The following NR2E3 variants were observed in gnomAD, a reference collection of about 807,000 sequenced individuals.
NR2E3 encodes photoreceptor-specific nuclear receptor.
Under a neutral mutation model 37.6 loss-of-function variants are expected in NR2E3, and 38 were observed. The ratio of observed to expected loss-of-function variants is 1.01; its 90% confidence interval spans 0.78 to 1.33. The LOEUF is 1.33. Ranked by LOEUF, NR2E3 falls within the 40% of genes most tolerant of loss-of-function variation. The probability of loss-of-function intolerance (pLI) is 0.00; values close to 1 mark genes in which losing one functional copy is unlikely to be tolerated. For missense variants in NR2E3, 562 were observed against 558.7 expected (o/e 1.01, Z -0.06); for synonymous variants, 235 against 225.1 (o/e 1.04, Z -0.39).
Position 71,813,208 on chromosome 15 carries a change from G to A in NR2E3, c.748-181G>A, listed in dbSNP as rs930240514. Among the ~76,000 whole-genome samples, 2 of 152,202 alleles carry A rather than the reference G, an allele frequency of 1.3e-5. No homozygotes were observed. The highest frequency in any genetic ancestry group is 2.9e-5 in the Non-Finnish European group (2 of 68,046). On this transcript the variant is annotated intron_variant, in intron 5 of 7. Coordinates refer to ENST00000617575, the MANE Select transcript of NR2E3 (RefSeq NM_014249.4). This position sits in a 1 kb window ranked among gnomAD's most constrained non-coding sequence, Gnocchi z 4.7. ...TGGAACCCAGTGTCTCAGATGATAG[G>A]CAGCTGAGCCGGATGGTGCCAAATC...
At chr15:71,817,416 G>A in intron 7 of NR2E3, 136 bp from the exon 8 acceptor site, 1 of 1,241,052 alleles carries the variant, frequency 8.1e-7, no homozygotes, top group Non-Finnish European at 1.1e-6. Context: ...GCTTTTCCTC[G>A]AAATTCCTCC....
intron 7 of NR2E3, chr15:71,817,336 G>C: frequency 5.3e-6 from 2 of 379,520 alleles, no homozygotes; most frequent in East Asian, 8.1e-5. Flanking sequence ...CTGACCTTGT[G>C]ATCCGCCCGC....
intron 7 of NR2E3, chr15:71,814,500 A>C: frequency 9.8e-7 from 1 of 1,016,124 alleles, no homozygotes; most frequent in Non-Finnish European, 1.2e-6. Context: ...AAAAGAAAAC[A>C]TCATTTGCAA....
At chr15:71,815,495 CTGCCAAG>C (rs2054219675) in intron 7 of NR2E3, among the ~76,000 whole-genome samples, 1 of 152,202 alleles carries the variant, frequency 6.6e-6, no homozygotes, top group Non-Finnish European at 1.5e-5. Context: ...CAGCCTTTCT[CTGCCAAG>C]TTTCTGTTGG....
In NR2E3 at chr15:71,813,141, A is replaced by G. The variant is rs191177153; in HGVS notation, c.748-248A>G. On this transcript the variant is annotated intron_variant, in intron 5 of 7. Coordinates refer to ENST00000617575, the MANE Select transcript of NR2E3 (RefSeq NM_014249.4). The surrounding 1 kb of genome is among the most constrained non-coding windows in gnomAD (Gnocchi z 4.7). Reference sequence around the variant, plus strand: ...TGTCTCTGAGGCTGCCCAACTTCCAATGGCTCTGGGCGTTCCTAAATGTCC... The same window carrying G: ...TGTCTCTGAGGCTGCCCAACTTCCAGTGGCTCTGGGCGTTCCTAAATGTCC... 5.3e-5 allele frequency among the ~76,000 whole-genome samples: 8 copies of G among 152,290 alleles called. No individual in the cohort carries two copies. Among genetic ancestry groups the G allele is most frequent in the East Asian group, 1.9e-4 (1 of 5,178 alleles).
chr15:71,813,416 G>T lies in NR2E3; in HGVS notation c.775G>T (p.Glu259Ter). 6.2e-7 allele frequency: 1 copy of T among 1,611,564 alleles called. No homozygotes were observed. The highest frequency in any genetic ancestry group is 1.1e-5 in the South Asian group (1 of 90,310). ...QVILLEEAWS[E>*]LFLLGAIQWS... ...GATCCTGCTGGAAGAGGCGTGGAGT[G>T]AACTCTTTCTCCTCGGGGCCATCCA... The change falls in exon 6 of 8, where the codon GAA becomes TAA. Residue 259 changes from glutamate (E) to a stop codon, truncating the protein, a stop_gained. Transcript: ENST00000617575. LOFTEE classifies it high-confidence loss of function. This position sits in a 1 kb window ranked among gnomAD's most constrained non-coding sequence, Gnocchi z 4.7.
At position 71,811,466 on chromosome 15, in the gene NR2E3, T is replaced by TG; in HGVS notation, c.119-16dup. On this transcript the variant is annotated splice_polypyrimidine_tract_variant and intron_variant, in intron 1 of 7. Transcript: ENST00000617575. This position sits in a 1 kb window ranked among gnomAD's most constrained non-coding sequence, Gnocchi z 5.6. ...GCCCAGCCCTGCCCTGGCCCAGCCC[T>TG]GCCCCCTGCCCCTCAGGCGTGAGCC... 3.2e-6 allele frequency: 5 copies of TG among 1,545,850 alleles called. No homozygotes were observed. In the South Asian group the frequency reaches 6.0e-5, roughly 18 times the overall value.
rs921267751 is a variant in NR2E3 at position 71,813,920 on chromosome 15, G to A, written c.995-92G>A. 29 of 1,546,786 alleles carry A rather than the reference G, an allele frequency of 1.9e-5. 2 individuals carry two copies. In the South Asian group the frequency reaches 3.0e-4, roughly 16 times the overall value. On this transcript the variant is annotated intron_variant, in intron 6 of 7. Coordinates refer to ENST00000617575, the MANE Select transcript of NR2E3 (RefSeq NM_014249.4). The surrounding 1 kb of genome is among the most constrained non-coding windows in gnomAD (Gnocchi z 4.7). ...CCACCCCACAGGGCCCCAGGTCCATGTCTGCAGCCAGAACCCTGGGCCACC... is the reference window on the plus strand; with the variant it reads ...CCACCCCACAGGGCCCCAGGTCCATATCTGCAGCCAGAACCCTGGGCCACC...
At position 71,812,441 on chromosome 15, in the gene NR2E3, G is replaced by A. The variant is rs544290323; in HGVS notation, c.677G>A (p.Arg226His). 52 of 1,613,852 alleles carry A rather than the reference G, an allele frequency of 3.2e-5. 2 individuals carry two copies. The highest frequency in any genetic ancestry group is 1.8e-4 in the South Asian group (16 of 91,066). ...GACAGCATCCATGAGACCTCGGCTC[G>A]CCTACTCTTCATGGCCGTCAAGTGG... ...GLDSIHETSARLLFMAVKWAK... is the reference protein window; with the variant it reads ...GLDSIHETSAHLLFMAVKWAK... Residue 226 changes from arginine to histidine, a missense_variant, in exon 5 of 8, where the codon CGC becomes CAC. Transcript: ENST00000617575.
At chr15:71,816,918 C>A (rs2054230727) in intron 7 of NR2E3, among the ~76,000 whole-genome samples, 1 of 152,054 alleles carries the variant, frequency 6.6e-6, no homozygotes, top group African/African-American at 2.4e-5. Flanking sequence ...CACTTTCACA[C>A]CATGATAAAG....
At chr15:71,812,653 C>G (rs976706836) in intron 5 of NR2E3, 142 bp downstream of exon 5, 8 of 744,154 alleles carry the variant, frequency 1.1e-5, no homozygotes, top group African/African-American at 3.5e-5. Context: ...ACACACATAC[C>G]TCTGATTCAG....
In NR2E3 at chr15:71,813,577, A is replaced by T. The variant is rs1430249187; in HGVS notation, c.936A>T (p.Ala312=). The T allele has an allele frequency of 4.3e-6, 7 of 1,613,806 alleles. No homozygotes were observed. The highest frequency in any genetic ancestry group is 5.9e-6 in the Non-Finnish European group (7 of 1,179,882). ...AGGAAACTATCTCTCGGTTCCGGGCATTGGCGGTGGACCCCACGGAGTTTG... is the reference window on the plus strand; with the variant it reads ...AGGAAACTATCTCTCGGTTCCGGGCTTTGGCGGTGGACCCCACGGAGTTTG... ...VLQETISRFR[A]LAVDPTEFAC... is the part of the protein sequence containing the mutation. The change falls in exon 6 of 8, where the codon GCA becomes GCT. Residue 312 remains alanine, a synonymous_variant. Coordinates refer to ENST00000617575, the MANE Select transcript of NR2E3 (RefSeq NM_014249.4). This position sits in a 1 kb window ranked among gnomAD's most constrained non-coding sequence, Gnocchi z 4.7.
In NR2E3 at chr15:71,814,812, C is replaced by T. The variant is rs533650888; in HGVS notation, c.1100+695C>T. 1.6e-4 allele frequency: 158 copies of T among 985,554 alleles called. 1 individual carries two copies. The South Asian group carries it at 6.5e-3, about 40-fold the overall frequency. The allele number at this position is 985,554 out of a possible 1,614,324, so 61.1% of individuals were successfully genotyped here. On this transcript the variant is annotated intron_variant, in intron 7 of 7. Transcript: ENST00000617575. ...GCTACTGCCACCTTCCAGATGGTTCCATGGAGTTCTGATCTTTGGGCATGG... is the reference window on the plus strand; with the variant it reads ...GCTACTGCCACCTTCCAGATGGTTCTATGGAGTTCTGATCTTTGGGCATGG...
chr15:71,810,781 T>C lies in NR2E3; in HGVS notation c.38T>C (p.Val13Ala). 1 of 1,576,006 alleles carries C rather than the reference T, an allele frequency of 6.3e-7. No homozygotes were observed. The highest frequency in any genetic ancestry group is 8.6e-7 in the Non-Finnish European group (1 of 1,161,714). ...CCAACAGCTCTGATGAGCTCCACAG[T>C]GGCTGCAGCTGCGCCTGCAGCTGGG... ...TRPTALMSST[V>A]AAAAPAAGAA... The change falls in exon 1 of 8, where the codon GTG becomes GCG. Residue 13 changes from valine (V) to alanine (A), a missense_variant. Val to Ala is a moderately conservative substitution (Grantham distance 64). Transcript: ENST00000617575.
Position 71,811,468 on chromosome 15 carries a change from C to A in NR2E3, c.119-15C>A. 1 of 1,552,064 alleles carries A rather than the reference C, an allele frequency of 6.4e-7. No homozygotes were observed. The highest frequency in any genetic ancestry group is 8.7e-7 in the Non-Finnish European group (1 of 1,148,162). On this transcript the variant is annotated splice_polypyrimidine_tract_variant and intron_variant, in intron 1 of 7. Coordinates refer to ENST00000617575, the MANE Select transcript of NR2E3 (RefSeq NM_014249.4). The surrounding 1 kb of genome is among the most constrained non-coding windows in gnomAD (Gnocchi z 5.6). Reference sequence around the variant, plus strand: ...CCAGCCCTGCCCTGGCCCAGCCCTGCCCCCTGCCCCTCAGGCGTGAGCCCC... The same window carrying A: ...CCAGCCCTGCCCTGGCCCAGCCCTGACCCCTGCCCCTCAGGCGTGAGCCCC...
At position 71,811,651 on chromosome 15, in the gene NR2E3, T is replaced by C; in HGVS notation, c.245+42T>C. On this transcript the variant is annotated intron_variant, in intron 2 of 7. Transcript: ENST00000617575. This position sits in a 1 kb window ranked among gnomAD's most constrained non-coding sequence, Gnocchi z 5.6. Reference sequence around the variant, plus strand: ...CTGCTGGGCGTCTGCCCCTGAGGGGTTCTGGAGGGGTGAGGGGGTGCTCAG... The same window carrying C: ...CTGCTGGGCGTCTGCCCCTGAGGGGCTCTGGAGGGGTGAGGGGGTGCTCAG... 6.3e-7 allele frequency: 1 copy of C among 1,590,148 alleles called. No individual in the cohort carries two copies. The highest frequency in any genetic ancestry group is 8.6e-7 in the Non-Finnish European group (1 of 1,168,406).
Position 71,814,089 on chromosome 15 carries a change from A to G in NR2E3, c.1072A>G (p.Lys358Glu). 1 of 1,612,164 alleles carries G rather than the reference A, an allele frequency of 6.2e-7. No homozygotes were observed. Among genetic ancestry groups the G allele is most frequent in the Non-Finnish European group, 8.5e-7 (1 of 1,179,778 alleles). ...CCAAGTGATGCTGAGCCAGCACAGC[A>G]AGGCCCACCACCCCAGCCAGCCCGT... is the stretch of plus-strand genomic sequence containing the variant. ...QSQVMLSQHS[K>E]AHHPSQPVRF... The change falls in exon 7 of 8, where the codon AAG (lysine) becomes GAG (glutamate). Residue 358 changes from lysine (K) to glutamate (E), a missense_variant. Transcript: ENST00000617575.
At position 71,813,710 on chromosome 15, in the gene NR2E3, C is replaced by A; in HGVS notation, c.994+75C>A. 3.1e-6 allele frequency: 5 copies of A among 1,594,450 alleles called. No homozygotes were observed. Among genetic ancestry groups the A allele is most frequent in the Non-Finnish European group, 4.3e-6 (5 of 1,171,802 alleles). ...TCTGCCTCTCACTCTCCCTCCACTACCCCCATGTGTGCAGATGTGTGTAGG... is the reference window on the plus strand; with the variant it reads ...TCTGCCTCTCACTCTCCCTCCACTAACCCCATGTGTGCAGATGTGTGTAGG... On this transcript the variant is annotated intron_variant, in intron 6 of 7. Coordinates refer to ENST00000617575, the MANE Select transcript of NR2E3 (RefSeq NM_014249.4). The surrounding 1 kb of genome is among the most constrained non-coding windows in gnomAD (Gnocchi z 4.7).
At chr15:71,816,375 C>G (rs112292075) in intron 7 of NR2E3, among the ~76,000 whole-genome samples, 7,335 of 151,584 alleles carry the variant, frequency 0.048, 278 homozygotes, top group Non-Finnish European at 0.069. Flanking sequence ...ATTCTCCTGC[C>G]TCAGCCTCCC....
Sources: gnomAD v4.1 joint callset for allele counts (sites outside exome capture counted in the v4.1 genomes callset) on GRCh38, gnomAD v4.1.1 for gene constraint, Gnocchi (gnomAD v3.1) non-coding constraint, MANE v1.5 for transcripts, NCBI Gene and HGNC (gene_info 2026-07-23, HGNC 2026-07-21) for gene names.